GLDC: variants seen among roughly 807,000 people sequenced by gnomAD.
The protein encoded by GLDC is glycine decarboxylase, also known as glycine dehydrogenase (decarboxylating), mitochondrial.
A neutral mutation model predicts 121.3 loss-of-function variants in GLDC; 104 were observed. That is an observed-to-expected ratio of 0.86 (90% CI 0.73 to 1.01). The LOEUF (loss-of-function observed/expected upper bound fraction) is 1.01, where lower values mean the gene tolerates loss of function less well. GLDC is among the 50% of genes least tolerant of loss of function. The pLI is 0.00. For synonymous variants in GLDC, 546 were observed against 480.6 expected (o/e 1.14, Z -1.78); for missense variants, 1,429 against 1,306.6 (o/e 1.09, Z -1.44).
At chr9:6,633,768 A>G (rs965446001) in intron 2 of GLDC, among the ~76,000 whole-genome samples, 2 of 152,010 alleles carry the variant, frequency 1.3e-5, no homozygotes, top group Admixed American at 1.3e-4. Context: ...TAAAAATACA[A>G]AAATGAGCTA....
At chr9:6,589,540 A>AC (rs1818336709) in intron 11 of GLDC, among the ~76,000 whole-genome samples, 1 of 151,964 alleles carries the variant, frequency 6.6e-6, no homozygotes, top group African/African-American at 2.4e-5. Flanking sequence ...CAATCCTCCT[A>AC]CCTCAGTCTC....
intron 2 of GLDC, among the ~76,000 whole-genome samples, chr9:6,636,491 T>C (rs1474669188): frequency 2.0e-5 from 3 of 152,122 alleles, no homozygotes; most frequent in Non-Finnish European, 4.4e-5. Flanking sequence ...AAAAATAAAG[T>C]TGGTCGGGCA....
At chr9:6,582,692 G>A (rs1344849369) in intron 15 of GLDC, among the ~76,000 whole-genome samples, 3 of 152,088 alleles carry the variant, frequency 2.0e-5, no homozygotes, top group Admixed American at 6.5e-5. Flanking sequence ...AGCCGGGTGT[G>A]GTGGCATGCG....
At chr9:6,639,982 G>T (rs1161884413) in intron 2 of GLDC, among the ~76,000 whole-genome samples, 1 of 152,026 alleles carries the variant, frequency 6.6e-6, no homozygotes, top group Non-Finnish European at 1.5e-5. Context: ...TCCAACATAG[G>T]ACCAACCAGG....
intron 15 of GLDC, among the ~76,000 whole-genome samples, chr9:6,572,500 C>T (rs183947505): frequency 6.6e-6 from 1 of 152,136 alleles, no homozygotes; most frequent in Non-Finnish European, 1.5e-5. Flanking sequence ...GGGAGAGACA[C>T]GGTCCTACAC....
Position 6,606,675 on chromosome 9 carries a change from GA to G in GLDC, c.636-7del. 6.3e-7 allele frequency: 1 copy of G among 1,576,042 alleles called. No homozygotes were observed. The stretch of plus-strand genomic sequence containing the variant: ...ATTTCCTCCTCTTGTTGTGTCTGTT[GA>G]AAAGAAAAAGCACATTCCAACGTGA... On this transcript the variant is annotated splice_region_variant and splice_polypyrimidine_tract_variant and intron_variant, in intron 4 of 24. Transcript: ENST00000321612.
chr9:6,593,421 C>T (rs938987668), intron 9 of GLDC, among the ~76,000 whole-genome samples: 9 of 151,858 alleles, frequency 5.9e-5, no homozygotes, highest in Non-Finnish European at 1.2e-4. Context: ...GCCTCAGCCT[C>T]CCAAGTAACT....
At position 6,556,230 on chromosome 9, in the gene GLDC, T is replaced by A. The variant is rs978127778; in HGVS notation, c.2125A>T (p.Asn709Tyr). 3 of 1,612,530 alleles carry A rather than the reference T, an allele frequency of 1.9e-6. No homozygotes were observed. Among genetic ancestry groups the A allele is most frequent in the African/African-American group, 2.7e-5 (2 of 74,890 alleles). ...ATGAGGTCACACACGTCACTGATGT[T>A]CTCTTCAAACACCCCATTGGTGGAT... ...YPSTNGVFEENISDVCDLIHQ... is the reference protein window; with the variant it reads ...YPSTNGVFEEYISDVCDLIHQ... Residue 709 changes from asparagine to tyrosine, a missense_variant, in exon 18 of 25, where the codon AAC becomes TAC. Transcript: ENST00000321612.
chr9:6,627,471 GC>G (rs1209285749), intron 2 of GLDC, among the ~76,000 whole-genome samples: 1 of 152,038 alleles, frequency 6.6e-6, no homozygotes, highest in Non-Finnish European at 1.5e-5. Context: ...TGTGGACTCT[GC>G]CCCTATCCAG....
At chr9:6,559,921 A>G (rs1448947516) in intron 16 of GLDC, among the ~76,000 whole-genome samples, 1 of 152,214 alleles carries the variant, frequency 6.6e-6, no homozygotes, top group Non-Finnish European at 1.5e-5. Context: ...GAGTCCAGAG[A>G]TGCAGCAGAA....
intron 15 of GLDC, among the ~76,000 whole-genome samples, chr9:6,586,431 T>C (rs1818274066): frequency 6.6e-6 from 1 of 152,206 alleles, no homozygotes; most frequent in Non-Finnish European, 1.5e-5. Flanking sequence ...CTGGAGGCTG[T>C]TGCTTTTGAA....
At position 6,536,622 on chromosome 9, in the gene GLDC, A is replaced by G. The variant is rs1349432028; in HGVS notation, c.2666-386T>C. ...TTATATGTGTATTTTATGAGGGAAG[A>G]TGCCTTGAAGAAAACATAAAATGTT... On this transcript the variant is annotated intron_variant, in intron 22 of 24. Coordinates refer to ENST00000321612, the MANE Select transcript of GLDC (RefSeq NM_000170.3). Among the ~76,000 whole-genome samples the G allele has an allele frequency of 1.8e-4, 28 of 152,238 alleles. 1 individual carries two copies. Among genetic ancestry groups the G allele is most frequent in the Non-Finnish European group, 4.4e-5 (3 of 68,044 alleles).
At chr9:6,597,577 G>T (rs1587954655) in intron 8 of GLDC, among the ~76,000 whole-genome samples, 1 of 151,986 alleles carries the variant, frequency 6.6e-6, no homozygotes, top group East Asian at 1.9e-4. Context: ...ATTTTAAAAA[G>T]ATTTTTATAT....
At chr9:6,600,526 A>C (rs1818583941) in intron 8 of GLDC, among the ~76,000 whole-genome samples, 1 of 151,924 alleles carries the variant, frequency 6.6e-6, no homozygotes. Context: ...AAATACAAAA[A>C]TTATCTGGGT....
intron 15 of GLDC, among the ~76,000 whole-genome samples, chr9:6,576,712 C>G (rs1295130461): frequency 3.3e-5 from 5 of 152,218 alleles, no homozygotes; most frequent in African/African-American, 1.2e-4. Context: ...GGTGATCCGC[C>G]TGCCTCGGCC....
chr9:6,577,588 T>G (rs1363697442), intron 15 of GLDC, among the ~76,000 whole-genome samples: 1 of 152,242 alleles, frequency 6.6e-6, no homozygotes, highest in Non-Finnish European at 1.5e-5. Flanking sequence ...TTAAAAATTT[T>G]AAATAATCTA....
intron 4 of GLDC, 127 bp from the exon 5 acceptor site, chr9:6,606,796 G>C: frequency 1.4e-6 from 1 of 729,164 alleles, no homozygotes; most frequent in Non-Finnish European, 2.5e-6. Context: ...GAGTAGGCCG[G>C]GTGCGGTGGC....
At chr9:6,582,366 A>C (rs1818187480) in intron 15 of GLDC, among the ~76,000 whole-genome samples, 1 of 147,388 alleles carries the variant, frequency 6.8e-6, no homozygotes, top group Admixed American at 6.8e-5. Flanking sequence ...TAAAAATACA[A>C]AAAAATTTGC....
chr9:6,588,699 G>A lies in GLDC; in HGVS notation c.1584C>T (p.Tyr528=). Residue 528 remains tyrosine, a synonymous_variant, in exon 13 of 25, where the codon TAC becomes TAT. Transcript: ENST00000321612. Reference sequence around the variant, plus strand: ...ACCGGACAATGTTTGTTTCAGAGTGGTAGCTGTGAACACAAAACACAGAAT... The same window carrying A: ...ACCGGACAATGTTTGTTTCAGAGTGATAGCTGTGAACACAAAACACAGAAT... ...PFLTHQVFNS[Y]HSETNIVRYM... is the part of the protein sequence containing the mutation. The A allele has an allele frequency of 1.2e-6, 2 of 1,609,498 alleles. No individual in the cohort carries two copies. The highest frequency in any genetic ancestry group is 2.2e-5 in the East Asian group (1 of 44,866).
Sources: allele counts gnomAD v4.1 joint callset (sites outside exome capture counted in the v4.1 genomes callset), GRCh38; gene constraint gnomAD v4.1.1; transcripts MANE v1.5; gene names NCBI Gene and HGNC (gene_info 2026-07-23, HGNC 2026-07-21).